The following SSH1 variants were observed in gnomAD, a reference collection of about 807,000 sequenced individuals.
SSH1 encodes the protein slingshot protein phosphatase 1.
Under a neutral mutation model 79.7 loss-of-function variants are expected in SSH1, and 43 were observed. That is an observed-to-expected ratio of 0.54 (90% CI 0.42 to 0.70). The LOEUF (loss-of-function observed/expected upper bound fraction) is 0.70, where lower values mean the gene tolerates loss of function less well. Among genes scored for constraint, SSH1 ranks in the 30% least tolerant of loss-of-function variants. The pLI, the probability that SSH1 is intolerant of heterozygous loss-of-function variation, is 0.00. For missense variants in SSH1, 1,206 were observed against 1,358.8 expected (o/e 0.89, Z 1.77); for synonymous variants, 599 against 538.3 (o/e 1.11, Z -1.56).
At chr12:108,789,729 CAG>C (rs1240891818) in intron 14 of SSH1, among the ~76,000 whole-genome samples, 2 of 152,086 alleles carry the variant, frequency 1.3e-5, no homozygotes, top group Non-Finnish European at 2.9e-5. Flanking sequence ...GTTGACCAGC[CAG>C]AGAGAGCAGC....
In SSH1 at chr12:108,848,155, G is replaced by C. The variant is rs537503226; in HGVS notation, c.110+4483C>G. ...AAGGAAGAAGCATCAAGGGACCAGG[G>C]GGTGATATGCCAAGGTAGAGAGGAT... On this transcript the variant is annotated intron_variant, in intron 2 of 14. Transcript: ENST00000326495. Among the ~76,000 whole-genome samples, 20 of 152,254 alleles carry C rather than the reference G, an allele frequency of 1.3e-4. No homozygotes were observed. The South Asian group carries it at 4.1e-3, about 32-fold the overall frequency.
chr12:108,806,510 C>T (rs912359223), intron 8 of SSH1, 116 bp from the exon 9 acceptor site: 39 of 917,064 alleles, frequency 4.3e-5, no homozygotes, highest in Admixed American at 2.7e-4. Context: ...AAGGAGAGCA[C>T]GCTTCTTGGT....
intron 7 of SSH1, among the ~76,000 whole-genome samples, chr12:108,808,541 T>C (rs760021268): frequency 2.0e-5 from 3 of 152,250 alleles, no homozygotes; most frequent in Non-Finnish European, 2.9e-5. Flanking sequence ...ACCCTGAACA[T>C]ATGTTCATAT....
chr12:108,809,898 G>T, intron 6 of SSH1, 140 bp from the exon 7 acceptor site: 1 of 754,824 alleles, frequency 1.3e-6, no homozygotes. Context: ...GGGATTTTAC[G>T]GAACCCGCTT....
intron 2 of SSH1, among the ~76,000 whole-genome samples, chr12:108,824,717 G>A (rs1485370267): frequency 2.0e-5 from 3 of 152,040 alleles, no homozygotes; most frequent in East Asian, 1.9e-4. Flanking sequence ...CCAGGAGTTC[G>A]AGACCAGCCT....
intron 10 of SSH1, 89 bp from the exon 11 acceptor site, chr12:108,802,457 G>A (rs886457141): frequency 2.9e-5 from 36 of 1,225,974 alleles, no homozygotes; most frequent in Admixed American, 3.5e-5. Flanking sequence ...TAGCTCTGGC[G>A]GTGAGGTCTT....
In SSH1 at chr12:108,784,267, C is replaced by T. The variant is rs2036210946; in HGVS notation, c.*3721G>A. ...GTGCTGAGGGTCTGTTCTGTTCAAG[C>T]TCAGCTCCACACTGCTGCAAACTCT... is the stretch of plus-strand genomic sequence containing the variant. On this transcript the variant is annotated 3_prime_UTR_variant, in exon 15 of 15. Transcript: ENST00000326495. 6.6e-6 allele frequency: 1 copy of T among 152,304 alleles called. No individual in the cohort carries two copies. Among genetic ancestry groups the T allele is most frequent in the Admixed American group, 6.5e-5 (1 of 15,278 alleles). The allele number at this position is 152,304 out of a possible 1,614,324, so 9.4% of individuals were successfully genotyped here. A position where few individuals can be genotyped will look rare whatever the true frequency, so the allele number is the denominator to read the frequency against.
intron 7 of SSH1, among the ~76,000 whole-genome samples, chr12:108,808,050 G>GC (rs1347791642): frequency 1.3e-5 from 2 of 152,194 alleles, no homozygotes; most frequent in African/African-American, 4.8e-5. Flanking sequence ...CAATTCTCCT[G>GC]CATCAGCCTC....
At chr12:108,827,229 G>T in intron 2 of SSH1, 1 of 1,523,428 alleles carries the variant, frequency 6.6e-7, no homozygotes, top group Non-Finnish European at 8.8e-7. Context: ...CCAAGCCATG[G>T]CAGGAAACCA....
At chr12:108,840,803 GGCTAAGCCCT>G (rs2038758218) in intron 2 of SSH1, among the ~76,000 whole-genome samples, 1 of 152,348 alleles carries the variant, frequency 6.6e-6, no homozygotes, top group South Asian at 2.1e-4. Flanking sequence ...AGACGCGGCA[GGCTAAGCCCT>G]GCGGAGGAGG....
chr12:108,851,237 T>G (rs1462246270), intron 2 of SSH1, among the ~76,000 whole-genome samples: 1 of 152,166 alleles, frequency 6.6e-6, no homozygotes, highest in African/African-American at 2.4e-5. Context: ...CCACATAATC[T>G]TTAGAAATCA....
At chr12:108,840,760 C>T (rs888371285) in intron 2 of SSH1, among the ~76,000 whole-genome samples, 4 of 152,228 alleles carry the variant, frequency 2.6e-5, no homozygotes, top group South Asian at 2.1e-4. Context: ...TCTAAACGGA[C>T]GCTGCTTTGT....
rs1342103628 is a variant in SSH1 at position 108,806,409 on chromosome 12, C to T, written c.732-15G>A. 1.2e-5 allele frequency: 19 copies of T among 1,612,354 alleles called. No homozygotes were observed. Among genetic ancestry groups the T allele is most frequent in the Non-Finnish European group, 1.6e-5 (19 of 1,178,564 alleles). ...CTTCAGTGGGCCTGGAAAGAAATGA[C>T]GTTTAGGAGAGCAAGGAGCTGTAGA... On this transcript the variant is annotated splice_polypyrimidine_tract_variant and intron_variant, in intron 8 of 14. Coordinates refer to ENST00000326495, the MANE Select transcript of SSH1 (RefSeq NM_018984.4).
chr12:108,806,649 A>G (rs1026966917), intron 8 of SSH1, among the ~76,000 whole-genome samples: 9 of 152,310 alleles, frequency 5.9e-5, no homozygotes, highest in Admixed American at 5.9e-4. Context: ...CCTTGCTCAG[A>G]CGCTCTTAGG....
Position 108,794,415 on chromosome 12 carries a change from C to T in SSH1, c.1350-1586G>A, listed in dbSNP as rs561564614. ...GCCGCGGTGTACCTCTCCCTCCTGC[C>T]GCCCACTGGCTGTGTATGGGGGATA... is the stretch of plus-strand genomic sequence containing the variant. On this transcript the variant is annotated intron_variant, in intron 13 of 14. Transcript: ENST00000326495. 3.9e-5 allele frequency among the ~76,000 whole-genome samples: 6 copies of T among 152,336 alleles called. No homozygotes were observed. The East Asian group carries it at 7.7e-4, about 20-fold the overall frequency.
At position 108,785,792 on chromosome 12, in the gene SSH1, T is replaced by C. The variant is rs2036255993; in HGVS notation, c.*2196A>G. On this transcript the variant is annotated 3_prime_UTR_variant, in exon 15 of 15. Coordinates refer to ENST00000326495, the MANE Select transcript of SSH1 (RefSeq NM_018984.4). ...AACAAAAGCCTGTCATCACTAAATTTAAAAGATTATTTTGACACAAAAATT... is the reference window on the plus strand; with the variant it reads ...AACAAAAGCCTGTCATCACTAAATTCAAAAGATTATTTTGACACAAAAATT... 1.3e-5 allele frequency: 2 copies of C among 152,244 alleles called. No homozygotes were observed. The highest frequency in any genetic ancestry group is 4.8e-5 in the African/African-American group (2 of 41,452). The allele number at this position is 152,244 out of a possible 1,614,324, so 9.4% of individuals were successfully genotyped here. A position where few individuals can be genotyped will look rare whatever the true frequency, so the allele number is the denominator to read the frequency against.
At chr12:108,796,264 G>A (rs771322295) in intron 13 of SSH1, among the ~76,000 whole-genome samples, 12 of 152,144 alleles carry the variant, frequency 7.9e-5, no homozygotes, top group Non-Finnish European at 1.3e-4. Context: ...ATAATGTTAT[G>A]CAACCATCAC....
intron 5 of SSH1, among the ~76,000 whole-genome samples, chr12:108,815,978 T>C (rs1208986879): frequency 1.3e-5 from 2 of 152,212 alleles, no homozygotes; most frequent in African/African-American, 4.8e-5. Flanking sequence ...ACCGTGACAC[T>C]CACGGCCTCC....
At chr12:108,847,805 A>T (rs896429998) in intron 2 of SSH1, among the ~76,000 whole-genome samples, 14 of 152,312 alleles carry the variant, frequency 9.2e-5, no homozygotes, top group Non-Finnish European at 4.4e-5. Flanking sequence ...TGAGGCCGTC[A>T]CTAAGGGATT....
Sources: gnomAD v4.1 joint callset for allele counts (sites outside exome capture counted in the v4.1 genomes callset) on GRCh38, gnomAD v4.1.1 for gene constraint, MANE v1.5 for transcripts, NCBI Gene and HGNC (gene_info 2026-07-23, HGNC 2026-07-21) for gene names.